CNTNAP5: variants seen among roughly 807,000 people sequenced by gnomAD.
CNTNAP5 encodes the protein contactin associated protein family member 5, also known as contactin-associated protein-like 5.
In CNTNAP5, 72 loss-of-function variants were observed where a neutral mutation model predicts 150.2. That is an observed-to-expected ratio of 0.48 (90% CI 0.40 to 0.58). The LOEUF (loss-of-function observed/expected upper bound fraction) is 0.58. CNTNAP5 is among the 20% of genes least tolerant of loss of function. The probability of loss-of-function intolerance (pLI) is 0.00; values close to 1 mark genes in which losing one functional copy is unlikely to be tolerated. For missense variants in CNTNAP5, 1,636 were observed against 1,626.2 expected (o/e 1.01, Z -0.10); for synonymous variants, 672 against 619.8 (o/e 1.08, Z -1.25).
intron 13 of CNTNAP5, among the ~76,000 whole-genome samples, chr2:124,733,083 C>A (rs770405591): frequency 2.0e-5 from 3 of 152,094 alleles, no homozygotes; most frequent in Admixed American, 6.6e-5. Context: ...TTATTGAACA[C>A]CTTATTTAAG....
chr2:124,249,979 G>A (rs1279796050), intron 3 of CNTNAP5, among the ~76,000 whole-genome samples: 1 of 101,190 alleles, frequency 9.9e-6, no homozygotes, highest in East Asian at 3.2e-4. Context: ...GTGTGTGTGT[G>A]TGTGTGTGTG....
intron 13 of CNTNAP5, among the ~76,000 whole-genome samples, chr2:124,679,571 CT>C (rs1217046501): frequency 1.6e-3 from 233 of 144,902 alleles, no homozygotes; most frequent in Middle Eastern, 0.011. Context: ...TGTCCCATAT[CT>C]TTTTTTTTTT....
intron 12 of CNTNAP5, among the ~76,000 whole-genome samples, chr2:124,625,926 T>C (rs1677711828): frequency 6.6e-6 from 1 of 152,232 alleles, no homozygotes; most frequent in African/African-American, 2.4e-5. Flanking sequence ...GGAATCCTGG[T>C]CAAGTTGCCT....
chr2:124,546,337 T>C (rs984654327), intron 10 of CNTNAP5, among the ~76,000 whole-genome samples: 2 of 149,430 alleles, frequency 1.3e-5, no homozygotes, highest in African/African-American at 5.0e-5. Flanking sequence ...GTAAGAAAAG[T>C]GTGTTTCTTT....
intron 1 of CNTNAP5, among the ~76,000 whole-genome samples, chr2:124,037,856 C>G (rs1681267565): frequency 6.6e-6 from 1 of 152,178 alleles, no homozygotes; most frequent in Admixed American, 6.5e-5. Context: ...ACACTGTATA[C>G]ATATATCAAA....
At chr2:124,114,517 A>G (rs1349191619) in intron 1 of CNTNAP5, among the ~76,000 whole-genome samples, 1 of 151,946 alleles carries the variant, frequency 6.6e-6, no homozygotes, top group Non-Finnish European at 1.5e-5. Flanking sequence ...TAATTTATTT[A>G]TGAATTTTAT....
At chr2:124,489,980 A>G (rs1693978770) in intron 7 of CNTNAP5, among the ~76,000 whole-genome samples, 1 of 152,152 alleles carries the variant, frequency 6.6e-6, no homozygotes, top group Non-Finnish European at 1.5e-5. Context: ...CATCCAGTTG[A>G]GCACATTCTT....
At chr2:124,741,865 C>T (rs902870965) in intron 13 of CNTNAP5, among the ~76,000 whole-genome samples, 5 of 152,132 alleles carry the variant, frequency 3.3e-5, no homozygotes, top group South Asian at 2.1e-4. Flanking sequence ...TACATTCCCT[C>T]CCCAAACTTA....
intron 19 of CNTNAP5, among the ~76,000 whole-genome samples, chr2:124,827,293 A>T (rs1024832883): frequency 6.6e-6 from 1 of 152,068 alleles, no homozygotes; most frequent in Non-Finnish European, 1.5e-5. Flanking sequence ...CCTGTGGCAC[A>T]CTGTGTGCTG....
chr2:124,538,479 CAGAA>C (rs1348527730), intron 10 of CNTNAP5, among the ~76,000 whole-genome samples: 1 of 143,588 alleles, frequency 7.0e-6, no homozygotes, highest in African/African-American at 2.6e-5. Context: ...GAGACTCTGT[CAGAA>C]AGAAAGAGAG....
intron 13 of CNTNAP5, among the ~76,000 whole-genome samples, chr2:124,738,025 A>G (rs999077460): frequency 5.3e-5 from 8 of 152,186 alleles, no homozygotes; most frequent in African/African-American, 1.7e-4. Context: ...TAGTAGCCAG[A>G]TTTATTGCAA....
At chr2:124,806,557 T>C (rs920524871) in intron 19 of CNTNAP5, among the ~76,000 whole-genome samples, 4 of 152,116 alleles carry the variant, frequency 2.6e-5, no homozygotes, top group East Asian at 1.9e-4. Context: ...CTTTGTACTT[T>C]CCCAGTTTAA....
chr2:124,127,410 G>A (rs1228117162), intron 1 of CNTNAP5, among the ~76,000 whole-genome samples: 2 of 152,040 alleles, frequency 1.3e-5, no homozygotes, highest in Middle Eastern at 6.3e-3. Flanking sequence ...AAGTAAAAGA[G>A]GACACAAACA....
At chr2:124,390,550 G>A (rs1219652206) in intron 3 of CNTNAP5, among the ~76,000 whole-genome samples, 1 of 152,214 alleles carries the variant, frequency 6.6e-6, no homozygotes, top group Admixed American at 6.5e-5. Context: ...AGTACACAAA[G>A]CAGAGTGTAG....
rs192287637 is a variant in CNTNAP5 at position 124,060,419 on chromosome 2, G to A, written c.82+34687G>A. Among the ~76,000 whole-genome samples the A allele has an allele frequency of 2.2e-4, 34 of 152,334 alleles. No homozygotes were observed. In the East Asian group the frequency reaches 6.4e-3, roughly 29 times the overall value. ...AAAATTATTCAGATGCTCATGGGCA[G>A]CTCCTCTGTAATTCACAGGAAAGCC... is the stretch of plus-strand genomic sequence containing the variant. On this transcript the variant is annotated intron_variant, in intron 1 of 23. Transcript: ENST00000682447.
intron 3 of CNTNAP5, among the ~76,000 whole-genome samples, chr2:124,258,061 G>A (rs1414076785): frequency 1.3e-5 from 2 of 152,056 alleles, no homozygotes; most frequent in African/African-American, 4.8e-5. Context: ...ACAGCTAGAC[G>A]TTAGCCCCCA....
intron 1 of CNTNAP5, among the ~76,000 whole-genome samples, chr2:124,040,282 A>G (rs930371388): frequency 6.6e-6 from 1 of 152,178 alleles, no homozygotes; most frequent in African/African-American, 2.4e-5. Flanking sequence ...CAATACCACA[A>G]TCAGGAGATC....
At chr2:124,200,426 T>C (rs941777723) in intron 1 of CNTNAP5, among the ~76,000 whole-genome samples, 1 of 152,214 alleles carries the variant, frequency 6.6e-6, no homozygotes, top group South Asian at 2.1e-4. Flanking sequence ...TTCAAATTTA[T>C]TGACATAATC....
intron 21 of CNTNAP5, among the ~76,000 whole-genome samples, chr2:124,883,070 CTTTTTTT>C (rs61340026): frequency 1.4e-5 from 2 of 142,080 alleles, no homozygotes; most frequent in Admixed American, 7.0e-5. Flanking sequence ...CATCCATTCT[CTTTTTTT>C]TTTTTTTTTT....
Sources: allele counts gnomAD v4.1 joint callset (sites outside exome capture counted in the v4.1 genomes callset), GRCh38; gene constraint gnomAD v4.1.1; transcripts MANE v1.5; gene names NCBI Gene and HGNC (gene_info 2026-07-23, HGNC 2026-07-21).